The following ACSM6 variants were observed in gnomAD, a reference collection of about 807,000 sequenced individuals.
The protein encoded by ACSM6 is acyl-CoA synthetase medium chain family member 6.
A neutral mutation model predicts 51.1 loss-of-function variants in ACSM6; 35 were observed. That is an observed-to-expected ratio of 0.69 (90% CI 0.52 to 0.91). The LOEUF (loss-of-function observed/expected upper bound fraction) is 0.91. Ranked by LOEUF, ACSM6 falls within the 40% of genes least tolerant of loss-of-function variation. The pLI, the probability that ACSM6 is intolerant of heterozygous loss-of-function variation, is 0.00. For synonymous variants in ACSM6, 172 were observed against 207.3 expected, an observed-to-expected ratio of 0.83 and a Z score of 1.46; for missense variants, 509 against 584.1, an observed-to-expected ratio of 0.87 and a Z score of 1.32.
intron 9 of ACSM6, among the ~76,000 whole-genome samples, chr10:95,224,009 A>G (rs1015327351): frequency 6.6e-6 from 1 of 152,228 alleles, no homozygotes; most frequent in African/African-American, 2.4e-5. Context: ...TAGTATCAAT[A>G]AACAATCAAA....
intron 10 of ACSM6, chr10:95,228,414 A>G: frequency 4.4e-6 from 2 of 453,652 alleles, no homozygotes; most frequent in Non-Finnish European, 7.7e-6. Context: ...AAGTGCCATC[A>G]TTACTCTTGT....
At chr10:95,201,596 T>C in intron 2 of ACSM6, 2 of 459,036 alleles carry the variant, frequency 4.4e-6, no homozygotes, top group South Asian at 1.6e-5. Flanking sequence ...TTTGCTATTG[T>C]GAATAGAGTG....
intron 2 of ACSM6, among the ~76,000 whole-genome samples, chr10:95,195,086 T>C (rs1267895988): frequency 6.6e-6 from 1 of 152,212 alleles, no homozygotes; most frequent in Non-Finnish European, 1.5e-5. Flanking sequence ...TATTGTCACA[T>C]AGATATGATT....
chr10:95,199,438 T>C (rs1463324470), intron 2 of ACSM6, among the ~76,000 whole-genome samples: 2 of 152,130 alleles, frequency 1.3e-5, no homozygotes, highest in African/African-American at 2.4e-5. Flanking sequence ...GACATAGGCA[T>C]GGGCAAGGAC....
At chr10:95,223,415 AC>A (rs1454884976) in intron 9 of ACSM6, among the ~76,000 whole-genome samples, 2 of 152,220 alleles carry the variant, frequency 1.3e-5, no homozygotes, top group African/African-American at 4.8e-5. Flanking sequence ...ATTTCTGATT[AC>A]TATAGGTGCC....
chr10:95,207,255 C>A, exon 4 of ACSM6: 1 of 1,614,090 alleles, frequency 6.2e-7, no homozygotes, highest in Non-Finnish European at 8.5e-7. Flanking sequence ...CAAGAAAATT[C>A]GCTATCAATT....
At chr10:95,195,504 G>T (rs2034715933) in intron 2 of ACSM6, among the ~76,000 whole-genome samples, 1 of 152,194 alleles carries the variant, frequency 6.6e-6, no homozygotes, top group African/African-American at 2.4e-5. Flanking sequence ...GCCCTGCTGT[G>T]TGGAGTGGAC....
chr10:95,194,440 CCT>C (rs2034705200), intron 1 of ACSM6, 23 bp from the exon 2 acceptor site: 4 of 1,513,860 alleles, frequency 2.6e-6, no homozygotes, highest in Non-Finnish European at 2.7e-6. Flanking sequence ...TCAATTACTC[CCT>C]GTCTTTTCCT....
chr10:95,217,939 G>A (rs1416399385), intron 8 of ACSM6, among the ~76,000 whole-genome samples: 22 of 152,344 alleles, frequency 1.4e-4, no homozygotes. Flanking sequence ...ATCAAATTCT[G>A]TCTCAGATTC....
intron 2 of ACSM6, among the ~76,000 whole-genome samples, chr10:95,200,119 T>C (rs1470863501): frequency 6.6e-6 from 1 of 152,124 alleles, no homozygotes; most frequent in Non-Finnish European, 1.5e-5. Flanking sequence ...AATGATAGAC[T>C]GGATTTAGAA....
At chr10:95,201,400 A>ATAT in intron 2 of ACSM6, 2 of 440,590 alleles carry the variant, frequency 4.5e-6, no homozygotes, top group Non-Finnish European at 9.1e-6. Flanking sequence ...AAGTGAAAAC[A>ATAT]GGCAGTATTT....
At chr10:95,215,306 A>C (rs1028877672) in intron 8 of ACSM6, among the ~76,000 whole-genome samples, 1 of 152,212 alleles carries the variant, frequency 6.6e-6, no homozygotes, top group Non-Finnish European at 1.5e-5. Context: ...GATGTTTAAA[A>C]TTATCACTGC....
At chr10:95,228,893 A>G in exon 11 of ACSM6, 1 of 1,156,142 alleles carries the variant, frequency 8.6e-7, no homozygotes, top group Non-Finnish European at 1.1e-6. Context: ...AATGCAAACA[A>G]CCAAAAATAA....
intron 3 of ACSM6, among the ~76,000 whole-genome samples, chr10:95,205,759 T>C (rs370269403): frequency 6.6e-6 from 1 of 152,090 alleles, no homozygotes; most frequent in East Asian, 1.9e-4. Flanking sequence ...CATCTAAGGG[T>C]GGGGGCACTT....
intron 4 of ACSM6, among the ~76,000 whole-genome samples, chr10:95,209,260 C>A (rs561896756): frequency 5.3e-5 from 8 of 152,050 alleles, no homozygotes; most frequent in Non-Finnish European, 1.2e-4. Context: ...GAGGTGGGAG[C>A]GAGCTTAAAC....
At chr10:95,195,290 T>C (rs565465532) in intron 2 of ACSM6, among the ~76,000 whole-genome samples, 20 of 151,866 alleles carry the variant, frequency 1.3e-4, no homozygotes, top group Non-Finnish European at 1.9e-4. Context: ...ATAAAGGAGG[T>C]GGTATTTACT....
At chr10:95,225,333 G>A (rs1370897188) in exon 10 of ACSM6, 2 of 1,551,752 alleles carry the variant, frequency 1.3e-6, no homozygotes, top group Admixed American at 2.0e-5. Flanking sequence ...GGGGAAGAAG[G>A]AAATATTGCA....
At chr10:95,225,070 G>C (rs2035025729) in intron 9 of ACSM6, among the ~76,000 whole-genome samples, 1 of 152,222 alleles carries the variant, frequency 6.6e-6, no homozygotes, top group South Asian at 2.1e-4. Flanking sequence ...GAAGGTGTCA[G>C]AGTGGACATG....
rs1413665595 is a variant in ACSM6 at position 95,196,312 on chromosome 10, G to A, written c.192+1635G>A. 2.0e-5 allele frequency among the ~76,000 whole-genome samples: 3 copies of A among 152,154 alleles called. No individual in the cohort carries two copies. The East Asian group carries it at 5.8e-4, about 29-fold the overall frequency. On this transcript the variant is annotated intron_variant, in intron 2 of 10. Transcript: ENST00000341686. ...TGATTGGGTGCCAAGGAATTCAGAG[G>A]GCTGCAGCTGTGAGCAAAGGCTTGG... is the stretch of plus-strand genomic sequence containing the variant.
Sources: allele counts gnomAD v4.1 joint callset (sites outside exome capture counted in the v4.1 genomes callset), GRCh38; gene constraint gnomAD v4.1.1; transcripts MANE v1.5; gene names NCBI Gene and HGNC (gene_info 2026-07-23, HGNC 2026-07-21).